The following RBFOX3 variants were observed in gnomAD, a reference collection of about 807,000 sequenced individuals.
RBFOX3 encodes RNA binding fox-1 homolog 3, also known as RNA binding protein fox-1 homolog 3.
A neutral mutation model predicts 48.7 loss-of-function variants in RBFOX3; 17 were observed. The ratio of observed to expected loss-of-function variants is 0.35; its 90% CI spans 0.24 to 0.52. RBFOX3 has a LOEUF of 0.52. RBFOX3 is among the 20% of genes least tolerant of loss of function. The probability of loss-of-function intolerance (pLI) is 0.94; values close to 1 mark genes in which losing one functional copy is unlikely to be tolerated. For synonymous variants in RBFOX3, 212 were observed against 209.5 expected (o/e 1.01, Z -0.10); for missense variants, 382 against 497.5 (o/e 0.77, Z 2.21).
At chr17:79,282,206 G>A (rs896584574) in intron 3 of RBFOX3, among the ~76,000 whole-genome samples, 1 of 152,166 alleles carries the variant, frequency 6.6e-6, no homozygotes, top group African/African-American at 2.4e-5. Flanking sequence ...GGTGGTGGAA[G>A]GAGACTTTCC....
intron 4 of RBFOX3, among the ~76,000 whole-genome samples, chr17:79,208,741 C>T (rs777249547): frequency 5.3e-5 from 8 of 151,984 alleles, no homozygotes; most frequent in Non-Finnish European, 1.0e-4. Flanking sequence ...ACGCTTGCTC[C>T]TAGGGCCCTG....
chr17:79,275,793 G>A (rs2068694045), intron 3 of RBFOX3, among the ~76,000 whole-genome samples: 1 of 152,202 alleles, frequency 6.6e-6, no homozygotes. Context: ...CCTCGGGCTG[G>A]GCTTGGAGCT....
rs138232287 is a variant in RBFOX3, at chr17:79,209,380, T to A, written c.-34+26386A>T. On this transcript the variant is annotated intron_variant, in intron 4 of 14. Transcript: ENST00000693108. Reference sequence around the variant, plus strand: ...CAGGGACAAGGCTTCATCCCTGTTGTGTCTCCAGGGCTGAGTGTGGCAGGC... The same window carrying A: ...CAGGGACAAGGCTTCATCCCTGTTGAGTCTCCAGGGCTGAGTGTGGCAGGC... 2.5e-4 allele frequency among the ~76,000 whole-genome samples: 38 copies of A among 152,384 alleles called. No homozygotes were observed. In the East Asian group the frequency reaches 6.9e-3, roughly 28 times the overall value.
In RBFOX3 at chr17:79,120,125, A is replaced by C. The variant is rs115744384; in HGVS notation, c.-33-4377T>G. On this transcript the variant is annotated intron_variant, in intron 4 of 14. Coordinates refer to ENST00000693108, the MANE Select transcript of RBFOX3 (RefSeq NM_001350451.2). ...CCTGCTGGGCTATGGGGCTTATCTC[A>C]GATGACCTCATGTTGGACCAGCTTG... Among the ~76,000 whole-genome samples the C allele has an allele frequency of 4.1e-3, 630 of 152,288 alleles. 5 individuals are homozygous for C. The highest frequency in any genetic ancestry group is 0.013 in the African/African-American group (549 of 41,554).
chr17:79,093,791 C>CCACACACA (rs60453390), intron 14 of RBFOX3, among the ~76,000 whole-genome samples: 2,184 of 143,912 alleles, frequency 0.015, 16 homozygotes, highest in Non-Finnish European at 0.021. Context: ...CAACAGCTGG[C>CCACACACA]CACACACACA....
chr17:79,438,693 T>G (rs2070138605), intron 2 of RBFOX3, among the ~76,000 whole-genome samples: 1 of 152,230 alleles, frequency 6.6e-6, no homozygotes, highest in Admixed American at 6.5e-5. Context: ...GGGCCGTGCC[T>G]ACAATCGGAC....
chr17:79,223,401 T>C (rs531111121), intron 4 of RBFOX3, among the ~76,000 whole-genome samples: 1 of 152,266 alleles, frequency 6.6e-6, no homozygotes, highest in South Asian at 2.1e-4. Flanking sequence ...TATACATGCA[T>C]GGTCACATAC....
chr17:79,422,103 G>A (rs1247294379), intron 2 of RBFOX3, among the ~76,000 whole-genome samples: 6 of 152,116 alleles, frequency 3.9e-5, no homozygotes, highest in African/African-American at 1.4e-4. Flanking sequence ...TGGAGCCTGG[G>A]GAGAAGGGTG....
Position 79,286,227 on chromosome 17 carries a change from G to A in RBFOX3, c.-74+21497C>T, listed in dbSNP as rs554424598. ...ATTGCAGAGATTGCTTGGCTCCCAT[G>A]TCATAGTGGCCACCTGGAACTTTCT... On this transcript the variant is annotated intron_variant, in intron 3 of 14. Transcript: ENST00000693108. Among the ~76,000 whole-genome samples the A allele has an allele frequency of 2.4e-4, 37 of 152,300 alleles. No individual in the cohort carries two copies. In the South Asian group the frequency reaches 6.0e-3, roughly 25 times the overall value.
chr17:79,584,713 A>G (rs2093183461), intron 1 of RBFOX3, among the ~76,000 whole-genome samples: 1 of 152,194 alleles, frequency 6.6e-6, no homozygotes, highest in Non-Finnish European at 1.5e-5. Flanking sequence ...TGTGGGAGCT[A>G]AGCTATGAGG....
chr17:79,659,533 AG>A, the RBFOX3 span, among the ~76,000 whole-genome samples: 2,976 of 152,058 alleles, frequency 0.02, 87 homozygotes, highest in African/African-American at 0.067. Context: ...AGTGGGAAGA[AG>A]GGAGGGCTGT....
At chr17:79,291,803 G>A (rs180877272) in intron 3 of RBFOX3, among the ~76,000 whole-genome samples, 93 of 152,312 alleles carry the variant, frequency 6.1e-4, no homozygotes, top group African/African-American at 2.0e-3. Flanking sequence ...ATGACCTCAT[G>A]TGGTTCCCCT....
chr17:79,381,559 G>A (rs2059927650), intron 2 of RBFOX3, among the ~76,000 whole-genome samples: 1 of 152,200 alleles, frequency 6.6e-6, no homozygotes, highest in Non-Finnish European at 1.5e-5. Context: ...GCATCTTCTG[G>A]TGTCCATGTT....
At chr17:79,513,022 C>T (rs574776340) in intron 1 of RBFOX3, among the ~76,000 whole-genome samples, 65 of 148,584 alleles carry the variant, frequency 4.4e-4, no homozygotes, top group African/African-American at 1.4e-3. Context: ...GACACCCACC[C>T]GGATACGTGT....
intron 6 of RBFOX3, 29 bp from the exon 7 acceptor site, chr17:79,104,155 G>A: frequency 6.5e-7 from 1 of 1,541,722 alleles, no homozygotes; most frequent in South Asian, 1.2e-5. Flanking sequence ...AGAGGGAGTG[G>A]GGCAGACAGG....
intron 5 of RBFOX3, among the ~76,000 whole-genome samples, chr17:79,114,036 CCT>C (rs1188333049): frequency 3.9e-5 from 6 of 152,246 alleles, no homozygotes; most frequent in South Asian, 2.1e-4. Flanking sequence ...GGGACGAACC[CCT>C]GAGGCTCACC....
In RBFOX3 at chr17:79,477,611, G is replaced by C. The variant is rs1027519557; in HGVS notation, c.-175+4843C>G. On this transcript the variant is annotated intron_variant, in intron 2 of 14. Transcript: ENST00000693108. The surrounding 1 kb of genome is among the most constrained non-coding windows in gnomAD (Gnocchi z 4.8). Reference sequence around the variant, plus strand: ...AAAAAAGGGTGAAACAGAAGCAATGGAGTGGGGCCCCAGGTCCTTGTCTCA... The same window carrying C: ...AAAAAAGGGTGAAACAGAAGCAATGCAGTGGGGCCCCAGGTCCTTGTCTCA... Among the ~76,000 whole-genome samples the C allele has an allele frequency of 3.3e-5, 5 of 152,058 alleles. No homozygotes were observed. Among genetic ancestry groups the C allele is most frequent in the Admixed American group, 1.3e-4 (2 of 15,266 alleles).
At chr17:79,138,791 GCC>G (rs200757329) in intron 4 of RBFOX3, among the ~76,000 whole-genome samples, 201 of 16,300 alleles carry the variant, frequency 0.012, 1 homozygote, top group African/African-American at 0.033. Flanking sequence ...ATGCCTTCAC[GCC>G]CCCTTACCCA....
chr17:79,239,115 C>T (rs1450195496), intron 3 of RBFOX3, among the ~76,000 whole-genome samples: 1 of 152,172 alleles, frequency 6.6e-6, no homozygotes. Context: ...CCTGGTTGCC[C>T]ATCCCTGGGA....
Sources: allele counts gnomAD v4.1 joint callset (sites outside exome capture counted in the v4.1 genomes callset), GRCh38; gene constraint gnomAD v4.1.1; non-coding constraint Gnocchi (gnomAD v3.1); transcripts MANE v1.5; gene names NCBI Gene and HGNC (gene_info 2026-07-23, HGNC 2026-07-21).